Variants in KPNA4 observed in about 807,000 individuals in gnomAD.
KPNA4 encodes karyopherin subunit alpha 4, also known as importin subunit alpha-3.
A neutral mutation model predicts 71.3 loss-of-function variants in KPNA4; 13 were observed. The ratio of observed to expected loss-of-function variants is 0.18; its 90% CI spans 0.12 to 0.29. KPNA4 has a LOEUF of 0.29. Among genes scored for constraint, KPNA4 ranks in the 10% least tolerant of loss-of-function variants. The pLI is 1.00. For missense variants in KPNA4, 334 were observed against 603.2 expected, an observed-to-expected ratio of 0.55 and a Z score of 4.67; for synonymous variants, 189 against 195.2, an observed-to-expected ratio of 0.97 and a Z score of 0.26.
chr3:160,510,478 A>G (rs926637232), intron 13 of KPNA4, among the ~76,000 whole-genome samples: 8 of 152,332 alleles, frequency 5.3e-5, no homozygotes, highest in African/African-American at 1.4e-4. Context: ...CTCAATAAGC[A>G]TAATTGTCTA....
intron 1 of KPNA4, among the ~76,000 whole-genome samples, chr3:160,548,616 A>G (rs188400097): frequency 1.1e-4 from 17 of 152,276 alleles, no homozygotes; most frequent in Admixed American, 9.8e-4. Context: ...CCATGTTGTA[A>G]TATGTCAGAA....
intron 1 of KPNA4, among the ~76,000 whole-genome samples, chr3:160,542,013 T>G (rs755294977): frequency 1.3e-5 from 2 of 152,130 alleles, no homozygotes; most frequent in Non-Finnish European, 2.9e-5. Context: ...AGATAACATG[T>G]AAGCTTAATT....
chr3:160,536,590 T>G (rs1721698898), intron 2 of KPNA4, among the ~76,000 whole-genome samples: 1 of 152,094 alleles, frequency 6.6e-6, no homozygotes, highest in Non-Finnish European at 1.5e-5. Context: ...GCCTGTCAAA[T>G]TTAGTCAAAA....
intron 1 of KPNA4, among the ~76,000 whole-genome samples, chr3:160,554,635 G>A (rs1005508366): frequency 6.6e-6 from 1 of 152,146 alleles, no homozygotes; most frequent in Non-Finnish European, 1.5e-5. Flanking sequence ...TAGAGAATTG[G>A]CACTTTCAGC....
chr3:160,541,157 T>C lies in KPNA4; in HGVS notation c.70-4317A>G, dbSNP rs575735903. Among the ~76,000 whole-genome samples, 16 of 152,340 alleles carry C rather than the reference T, an allele frequency of 1.1e-4. No homozygotes were observed. In the East Asian group the frequency reaches 2.5e-3, roughly 24 times the overall value. On this transcript the variant is annotated intron_variant, in intron 1 of 16. Transcript: ENST00000334256. ...TCCTTAATTTCTGATTAGTGGCTAC[T>C]TGATTCCTGCTAATTTTCAAGTCAG...
chr3:160,562,086 G>A (rs977392029), intron 1 of KPNA4, among the ~76,000 whole-genome samples: 1 of 152,070 alleles, frequency 6.6e-6, no homozygotes, highest in African/African-American at 2.4e-5. Flanking sequence ...TAAACTGTTA[G>A]ATCATAATAT....
chr3:160,507,114 T>C (rs1018740335), intron 15 of KPNA4, among the ~76,000 whole-genome samples: 3 of 152,206 alleles, frequency 2.0e-5, no homozygotes, highest in Non-Finnish European at 2.9e-5. Flanking sequence ...TAATATGTAT[T>C]GTTTACATTC....
chr3:160,556,137 T>C (rs925684610), intron 1 of KPNA4, among the ~76,000 whole-genome samples: 2 of 152,208 alleles, frequency 1.3e-5, no homozygotes, highest in East Asian at 1.9e-4. Context: ...CCCAGCCAAG[T>C]TGTTTCCCTC....
At chr3:160,552,095 T>C (rs1294694178) in intron 1 of KPNA4, among the ~76,000 whole-genome samples, 2 of 152,112 alleles carry the variant, frequency 1.3e-5, no homozygotes, top group African/African-American at 2.4e-5. Flanking sequence ...TGCTGTATTC[T>C]AATGAGTTAC....
chr3:160,519,374 C>CT (rs1440217288), intron 11 of KPNA4, among the ~76,000 whole-genome samples: 12 of 152,086 alleles, frequency 7.9e-5, no homozygotes, highest in African/African-American at 2.9e-4. Flanking sequence ...AATGTGTGGT[C>CT]TTTATCTGGA....
chr3:160,515,618 CTTTTT>C, intron 11 of KPNA4, 38 bp from the exon 12 acceptor site: 3 of 1,449,600 alleles, frequency 2.1e-6, no homozygotes, highest in Non-Finnish European at 1.9e-6. Context: ...ATGTGAAATC[CTTTTT>C]TTTTTTTTTG....
chr3:160,511,154 G>A (rs1156667564), intron 13 of KPNA4, among the ~76,000 whole-genome samples: 4 of 151,512 alleles, frequency 2.6e-5, no homozygotes, highest in African/African-American at 9.7e-5. Context: ...CACCCAGGCT[G>A]GAGTGCAGTG....
At chr3:160,514,023 A>T in intron 13 of KPNA4, 54 bp downstream of exon 13, 1 of 1,037,856 alleles carries the variant, frequency 9.6e-7, no homozygotes. Flanking sequence ...TCTCAGATTT[A>T]AATCCCCTTC....
At chr3:160,555,740 C>T (rs1018985709) in intron 1 of KPNA4, among the ~76,000 whole-genome samples, 1 of 152,076 alleles carries the variant, frequency 6.6e-6, no homozygotes, top group African/African-American at 2.4e-5. Flanking sequence ...AACAATACTC[C>T]ATTGTATGCA....
intron 15 of KPNA4, among the ~76,000 whole-genome samples, chr3:160,506,911 G>A (rs1189024661): frequency 1.3e-5 from 2 of 151,890 alleles, no homozygotes; most frequent in African/African-American, 4.8e-5. Flanking sequence ...TTTTGAAGCC[G>A]CTCACCATTC....
chr3:160,539,972 T>C (rs1721764753), intron 1 of KPNA4, among the ~76,000 whole-genome samples: 1 of 151,572 alleles, frequency 6.6e-6, no homozygotes, highest in Non-Finnish European at 1.5e-5. Flanking sequence ...AATCCAGAGA[T>C]TTACGAAAAA....
At chr3:160,563,217 A>G (rs1177814084) in intron 1 of KPNA4, among the ~76,000 whole-genome samples, 1 of 152,232 alleles carries the variant, frequency 6.6e-6, no homozygotes, top group East Asian at 1.9e-4. Context: ...GCCATGAAAC[A>G]TTGATACATT....
intron 1 of KPNA4, among the ~76,000 whole-genome samples, chr3:160,559,442 C>T (rs933749966): frequency 2.0e-5 from 3 of 152,076 alleles, no homozygotes; most frequent in South Asian, 2.1e-4. Context: ...ATTTGGAAGA[C>T]GTGCATAACT....
intron 13 of KPNA4, among the ~76,000 whole-genome samples, chr3:160,510,992 T>C (rs899742061): frequency 6.6e-6 from 1 of 151,960 alleles, no homozygotes; most frequent in Non-Finnish European, 1.5e-5. Flanking sequence ...GGTTTCCCCA[T>C]GTTGGCCAGG....
Sources: allele counts gnomAD v4.1 joint callset (sites outside exome capture counted in the v4.1 genomes callset), GRCh38; gene constraint gnomAD v4.1.1; transcripts MANE v1.5; gene names NCBI Gene and HGNC (gene_info 2026-07-23, HGNC 2026-07-21).